Variants in PSD3 observed in about 807,000 individuals in gnomAD.
PSD3 encodes PH and SEC7 domain-containing protein 3.
Under a neutral mutation model 105.5 loss-of-function variants are expected in PSD3, and 49 were observed. The ratio of observed to expected loss-of-function variants is 0.46; its 90% CI spans 0.37 to 0.59. PSD3 has a LOEUF of 0.59. Among genes scored for constraint, PSD3 ranks in the 20% least tolerant of loss-of-function variants. The pLI is 0.00. For synonymous variants in PSD3, 557 were observed against 457.8 expected (o/e 1.22, Z -2.77); for missense variants, 1,561 against 1,263.8 (o/e 1.24, Z -3.57).
At chr8:18,670,945 C>T (rs977106063) in intron 9 of PSD3, among the ~76,000 whole-genome samples, 3 of 152,072 alleles carry the variant, frequency 2.0e-5, no homozygotes, top group Middle Eastern at 3.2e-3. Flanking sequence ...TTTGCTTCTT[C>T]GATGAAAAAT....
At chr8:18,900,308 C>A (rs141239288) in intron 2 of PSD3, among the ~76,000 whole-genome samples, 54 of 152,288 alleles carry the variant, frequency 3.5e-4, no homozygotes, top group African/African-American at 1.3e-3. Flanking sequence ...CCTGCATCCA[C>A]ATAACAGCTA....
intron 9 of PSD3, among the ~76,000 whole-genome samples, chr8:18,656,327 G>C (rs1226441460): frequency 6.6e-6 from 1 of 150,632 alleles, no homozygotes; most frequent in African/African-American, 2.5e-5. Flanking sequence ...CAAAGTGCTG[G>C]GATTAGAGGC....
chr8:18,619,715 T>G (rs560880488), intron 11 of PSD3, among the ~76,000 whole-genome samples: 19 of 151,824 alleles, frequency 1.3e-4, no homozygotes, highest in African/African-American at 3.9e-4. Flanking sequence ...AACCATAAAA[T>G]TTCACTAAAT....
At chr8:19,004,157 CAATTCTCTGTCT>C (rs1826544301) in intron 1 of PSD3, among the ~76,000 whole-genome samples, 1 of 152,006 alleles carries the variant, frequency 6.6e-6, no homozygotes, top group African/African-American at 2.4e-5. Context: ...TCCTTTCAAG[CAATTCTCTGTCT>C]AATCCAGGAG....
intron 8 of PSD3, among the ~76,000 whole-genome samples, chr8:18,769,058 T>A (rs935270515): frequency 6.6e-6 from 1 of 152,118 alleles, no homozygotes; most frequent in Non-Finnish European, 1.5e-5. Context: ...GTTTTCCCAA[T>A]CCTTTCCAAC....
At chr8:18,927,197 G>A (rs754385074) in intron 2 of PSD3, among the ~76,000 whole-genome samples, 7 of 152,070 alleles carry the variant, frequency 4.6e-5, no homozygotes, top group Middle Eastern at 3.4e-3. Flanking sequence ...CCTCTCAAAC[G>A]CTGTCCTTTC....
intron 2 of PSD3, among the ~76,000 whole-genome samples, chr8:18,918,346 T>C (rs568312823): frequency 1.6e-4 from 25 of 152,264 alleles, no homozygotes; most frequent in African/African-American, 6.0e-4. Flanking sequence ...CAAGAAGCCT[T>C]CTCTCCATCC....
intron 4 of PSD3, among the ~76,000 whole-genome samples, chr8:18,829,202 T>A (rs758174804): frequency 6.6e-6 from 1 of 152,192 alleles, no homozygotes; most frequent in Non-Finnish European, 1.5e-5. Context: ...ATCATGCCAC[T>A]GTACAGCCTG....
chr8:18,594,707 C>G (rs765292689), intron 12 of PSD3, among the ~76,000 whole-genome samples: 57 of 151,690 alleles, frequency 3.8e-4, no homozygotes, highest in Non-Finnish European at 4.4e-5. Flanking sequence ...GCTCAAGTCA[C>G]TTACATAACA....
intron 4 of PSD3, among the ~76,000 whole-genome samples, chr8:18,846,707 G>A (rs569945231): frequency 6.6e-6 from 1 of 152,184 alleles, no homozygotes; most frequent in Admixed American, 6.5e-5. Context: ...GATAGAAGTT[G>A]CAGGATGCAC....
At chr8:18,977,259 C>CAAAA (rs36071554) in intron 1 of PSD3, among the ~76,000 whole-genome samples, 1,280 of 113,108 alleles carry the variant, frequency 0.011, 27 homozygotes, top group African/African-American at 0.043. Context: ...CACCCTATCT[C>CAAAA]AAAAAAAAAA....
Position 18,765,346 on chromosome 8 carries a change from A to C in PSD3, c.2172+103T>G, listed in dbSNP as rs936115276. ...AAACATCACCAATAAAACCAAAAGC[A>C]AAAAGCAAAATACTTAAGTGATCCT... is the stretch of plus-strand genomic sequence containing the variant. On this transcript the variant is annotated intron_variant, in intron 9 of 15. Transcript: ENST00000327040. 3 of 1,108,326 alleles carry C rather than the reference A, an allele frequency of 2.7e-6. No homozygotes were observed. The African/African-American group carries it at 4.7e-5, about 17-fold the overall frequency. 68.7% of individuals were successfully genotyped at this position (1,108,326 alleles called of 1,614,324 possible).
Position 18,714,663 on chromosome 8 carries a change from C to T in PSD3, c.2172+50786G>A, listed in dbSNP as rs28785927. 1.5e-4 allele frequency among the ~76,000 whole-genome samples: 23 copies of T among 152,260 alleles called. No individual in the cohort carries two copies. In the South Asian group the frequency reaches 2.3e-3, roughly 15 times the overall value. On this transcript the variant is annotated intron_variant, in intron 9 of 15. Coordinates refer to ENST00000327040, the MANE Select transcript of PSD3 (RefSeq NM_015310.4). ...TGGTGAGGCTTTGGAAAAACAGCAA[C>T]GCTTTTACGCTGCTGGTAGGAATGT...
intron 2 of PSD3, among the ~76,000 whole-genome samples, chr8:18,888,175 C>T (rs1438911401): frequency 6.6e-6 from 1 of 152,154 alleles, no homozygotes; most frequent in Non-Finnish European, 1.5e-5. Context: ...AAATATCCAC[C>T]TCTCAAGAAG....
At chr8:19,012,670 C>G (rs947703212) in intron 1 of PSD3, among the ~76,000 whole-genome samples, 2 of 152,222 alleles carry the variant, frequency 1.3e-5, no homozygotes, top group East Asian at 3.8e-4. Context: ...ATCCTACTTA[C>G]CTAGCTACCG....
chr8:18,649,411 T>C (rs1471845591), intron 10 of PSD3, among the ~76,000 whole-genome samples: 2 of 152,218 alleles, frequency 1.3e-5, no homozygotes, highest in Non-Finnish European at 2.9e-5. Context: ...CTGTAGCCCC[T>C]TTCTTTTGGC....
At chr8:18,933,556 C>T (rs1224074911) in intron 2 of PSD3, among the ~76,000 whole-genome samples, 3 of 152,146 alleles carry the variant, frequency 2.0e-5, no homozygotes, top group Admixed American at 1.3e-4. Flanking sequence ...CAACTTCTGC[C>T]TCCTGGGCTC....
intron 9 of PSD3, among the ~76,000 whole-genome samples, chr8:18,762,381 T>G (rs1441091267): frequency 6.6e-6 from 1 of 152,208 alleles, no homozygotes; most frequent in Non-Finnish European, 1.5e-5. Context: ...AGCATCAGGC[T>G]TTCTGTACAG....
intron 9 of PSD3, among the ~76,000 whole-genome samples, chr8:18,699,748 T>TG (rs143815646): frequency 0.094 from 14,288 of 152,106 alleles, 1,805 homozygotes; most frequent in African/African-American, 0.29. Flanking sequence ...GGCTATAGAA[T>TG]GGTGGGTGGT....
Sources: allele counts gnomAD v4.1 joint callset (sites outside exome capture counted in the v4.1 genomes callset), GRCh38; gene constraint gnomAD v4.1.1; transcripts MANE v1.5; gene names NCBI Gene and HGNC (gene_info 2026-07-23, HGNC 2026-07-21).